The following NRG3 variants were observed in gnomAD, a reference collection of about 807,000 sequenced individuals.
NRG3 encodes neuregulin 3, also known as pro-neuregulin-3, membrane-bound isoform.
A neutral mutation model predicts 66.9 loss-of-function variants in NRG3; 31 were observed. The ratio of observed to expected loss-of-function variants is 0.46; its 90% CI spans 0.35 to 0.63. The LOEUF (loss-of-function observed/expected upper bound fraction) is 0.63. NRG3 is among the 20% of genes least tolerant of loss of function. The pLI is 0.00. For synonymous variants in NRG3, 393 were observed against 359.4 expected, an observed-to-expected ratio of 1.09 and a Z score of -1.06; for missense variants, 910 against 878.9, an observed-to-expected ratio of 1.04 and a Z score of -0.45.
intron 3 of NRG3, among the ~76,000 whole-genome samples, chr10:82,790,254 A>T (rs967228475): frequency 1.3e-5 from 2 of 152,220 alleles, no homozygotes; most frequent in Non-Finnish European, 1.5e-5. Context: ...AGCCTGAAGG[A>T]CACCCTTTGG....
chr10:82,378,023 G>C (rs1397173382), intron 2 of NRG3, among the ~76,000 whole-genome samples: 1 of 152,172 alleles, frequency 6.6e-6, no homozygotes, highest in African/African-American at 2.4e-5. Flanking sequence ...ACCAGTGAAG[G>C]GGAAATCTTG....
intron 2 of NRG3, among the ~76,000 whole-genome samples, chr10:82,678,669 T>A (rs1378083778): frequency 6.6e-6 from 1 of 152,042 alleles, no homozygotes; most frequent in Non-Finnish European, 1.5e-5. Context: ...TCGCCTGACA[T>A]TCTTAGATTG....
chr10:82,194,739 C>T (rs942789047), intron 1 of NRG3, among the ~76,000 whole-genome samples: 2 of 152,018 alleles, frequency 1.3e-5, no homozygotes, highest in Non-Finnish European at 2.9e-5. Context: ...CTGACTTTGG[C>T]GTTGAATAAT....
intron 2 of NRG3, among the ~76,000 whole-genome samples, chr10:82,533,025 G>T (rs1046239439): frequency 6.7e-6 from 1 of 148,510 alleles, no homozygotes; most frequent in Non-Finnish European, 1.5e-5. Context: ...CTGTGTTTTT[G>T]ATTTGTTATT....
chr10:82,618,447 A>G (rs1440159013), intron 2 of NRG3, among the ~76,000 whole-genome samples: 1 of 152,176 alleles, frequency 6.6e-6, no homozygotes, highest in Non-Finnish European at 1.5e-5. Context: ...TTAATTCATT[A>G]GGAAAGAGTG....
chr10:82,752,031 T>C (rs1328485435), intron 3 of NRG3, among the ~76,000 whole-genome samples: 2 of 152,132 alleles, frequency 1.3e-5, no homozygotes, highest in African/African-American at 4.8e-5. Context: ...TAATTTTGAT[T>C]GAATGAGTGA....
intron 2 of NRG3, among the ~76,000 whole-genome samples, chr10:82,402,482 G>C (rs568830213): frequency 6.6e-6 from 1 of 152,116 alleles, no homozygotes; most frequent in Admixed American, 6.6e-5. Flanking sequence ...GCTCAAGCAG[G>C]TTCCTCAGGT....
At chr10:82,608,611 C>A (rs991796918) in intron 2 of NRG3, among the ~76,000 whole-genome samples, 5 of 152,086 alleles carry the variant, frequency 3.3e-5, no homozygotes, top group Non-Finnish European at 5.9e-5. Flanking sequence ...AGTTACCATT[C>A]TTAAAGTGAG....
At chr10:82,487,045 A>C (rs1842740593) in intron 2 of NRG3, among the ~76,000 whole-genome samples, 1 of 149,562 alleles carries the variant, frequency 6.7e-6, no homozygotes, top group African/African-American at 2.4e-5. Flanking sequence ...GGTTTAACAT[A>C]ATGGTTATTA....
rs1180423636 is a variant in NRG3, at chr10:82,985,986, C to T, written c.*381C>T. 1.1e-5 allele frequency: 2 copies of T among 176,370 alleles called. No homozygotes were observed. The highest frequency in any genetic ancestry group is 2.4e-5 in the Non-Finnish European group (2 of 83,188). 10.9% of individuals were successfully genotyped at this position (176,370 alleles called of 1,614,324 possible). A position where few individuals can be genotyped will look rare whatever the true frequency, so the allele number is the denominator to read the frequency against. On this transcript the variant is annotated 3_prime_UTR_variant, in exon 9 of 9. Transcript: ENST00000372141. ...GAGCTGCATCCCGCAGGTGGATGCA[C>T]CAGTGAGCAGGTGGCTCTTGCCATT... is the stretch of plus-strand genomic sequence containing the variant.
At chr10:82,643,883 C>T (rs750620502) in intron 2 of NRG3, among the ~76,000 whole-genome samples, 59 of 56,148 alleles carry the variant, frequency 1.1e-3, no homozygotes, top group African/African-American at 8.8e-4. Flanking sequence ...CTGACACACA[C>T]GCGCACACAC....
chr10:82,204,521 C>T (rs1589305538), intron 1 of NRG3, among the ~76,000 whole-genome samples: 1 of 152,146 alleles, frequency 6.6e-6, no homozygotes, highest in East Asian at 1.9e-4. Context: ...CCTTTACTGG[C>T]AGCATGTTCC....
chr10:81,917,280 G>A (rs1047256752), intron 1 of NRG3, among the ~76,000 whole-genome samples: 3 of 151,962 alleles, frequency 2.0e-5, no homozygotes, highest in South Asian at 2.1e-4. Flanking sequence ...CTCCTTCCTC[G>A]GCTCTCCCCA....
chr10:82,515,415 C>T (rs368871503), intron 2 of NRG3, among the ~76,000 whole-genome samples: 6 of 152,292 alleles, frequency 3.9e-5, no homozygotes, highest in African/African-American at 1.4e-4. Context: ...ACAGATCAAC[C>T]TAACAGTAAG....
chr10:82,120,464 T>C (rs977402184), intron 1 of NRG3, among the ~76,000 whole-genome samples: 11 of 152,188 alleles, frequency 7.2e-5, no homozygotes, highest in Non-Finnish European at 1.0e-4. Context: ...AATGAGCTTA[T>C]TAACCCAGGG....
At chr10:82,388,431 A>G (rs2086148419) in intron 2 of NRG3, among the ~76,000 whole-genome samples, 1 of 152,184 alleles carries the variant, frequency 6.6e-6, no homozygotes, top group African/African-American at 2.4e-5. Context: ...GTGGAGAAGG[A>G]AAATAGGTGG....
At chr10:82,227,865 G>T (rs147510218) in intron 1 of NRG3, among the ~76,000 whole-genome samples, 218 of 152,110 alleles carry the variant, frequency 1.4e-3, no homozygotes, top group African/African-American at 4.7e-3. Flanking sequence ...TTCCCCCAAG[G>T]CTCTGGTGTT....
chr10:82,357,370 G>T (rs1158829337), intron 1 of NRG3, among the ~76,000 whole-genome samples: 2 of 152,194 alleles, frequency 1.3e-5, no homozygotes, highest in Non-Finnish European at 2.9e-5. Flanking sequence ...ACCATCAGTT[G>T]TGACGATAAT....
At chr10:82,048,272 C>T (rs2063407899) in intron 1 of NRG3, among the ~76,000 whole-genome samples, 1 of 151,966 alleles carries the variant, frequency 6.6e-6, no homozygotes. Flanking sequence ...ACAGAACTCT[C>T]CACCCCAAAT....
Sources: gnomAD v4.1 joint callset for allele counts (sites outside exome capture counted in the v4.1 genomes callset) on GRCh38, gnomAD v4.1.1 for gene constraint, MANE v1.5 for transcripts, NCBI Gene and HGNC (gene_info 2026-07-23, HGNC 2026-07-21) for gene names.